Variants in LSM4 observed in about 807,000 individuals in gnomAD.
LSM4 encodes U6 snRNA-associated Sm-like protein LSm4.
LSM4 carries 15 observed loss-of-function variants against 22.3 expected under a neutral mutation model. The ratio of observed to expected loss-of-function variants is 0.67; its 90% CI spans 0.45 to 1.03. The LOEUF (loss-of-function observed/expected upper bound fraction) is 1.03, where lower values mean the gene tolerates loss of function less well. Among genes scored for constraint, LSM4 ranks in the 50% least tolerant of loss-of-function variants. The pLI is 0.00. For missense variants in LSM4, 127 were observed against 198.0 expected (o/e 0.64, Z 2.15); for synonymous variants, 90 against 79.8 (o/e 1.13, Z -0.68).
intron 4 of LSM4, chr19:18,309,386 A>G: frequency 2.4e-6 from 1 of 424,224 alleles, no homozygotes; most frequent in South Asian, 4.8e-5. Flanking sequence ...TGGAGTTGCC[A>G]GCGGCCTGGA....
chr19:18,309,512 G>C (rs569445197), intron 4 of LSM4, 166 bp downstream of exon 4: 2 of 678,126 alleles, frequency 2.9e-6, no homozygotes, highest in African/African-American at 1.8e-5. Flanking sequence ...CCCAGGTCTC[G>C]GGGCTCCTCT....
intron 2 of LSM4, among the ~76,000 whole-genome samples, chr19:18,313,652 A>G (rs191034136): frequency 1.2e-3 from 177 of 152,042 alleles, no homozygotes; most frequent in African/African-American, 4.1e-3. Context: ...CTAGTAGCTG[A>G]GACTATAAGC....
intron 3 of LSM4, among the ~76,000 whole-genome samples, chr19:18,311,938 C>T (rs1568297796): frequency 6.6e-6 from 1 of 152,210 alleles, no homozygotes; most frequent in Non-Finnish European, 1.5e-5. Context: ...GGGCTGTCAC[C>T]CACAGGGAGA....
chr19:18,308,927 C>CCA, intron 4 of LSM4, among the ~76,000 whole-genome samples: 1 of 152,286 alleles, frequency 6.6e-6, no homozygotes, highest in East Asian at 1.9e-4. Context: ...AGAAAACCCC[C>CCA]CACTTCCCTA....
intron 1 of LSM4, among the ~76,000 whole-genome samples, chr19:18,317,252 C>T (rs1970366428): frequency 6.6e-6 from 1 of 151,680 alleles, no homozygotes; most frequent in Non-Finnish European, 1.5e-5. Context: ...GAACTCCTGA[C>T]CTCAAATGAT....
At chr19:18,317,711 G>T (rs1305074673) in intron 1 of LSM4, among the ~76,000 whole-genome samples, 7 of 150,258 alleles carry the variant, frequency 4.7e-5, no homozygotes, top group Non-Finnish European at 7.4e-5. Flanking sequence ...TTTTTTTTTT[G>T]ATGGTGACAG....
chr19:18,315,196 AG>A (rs1383416539), intron 2 of LSM4, among the ~76,000 whole-genome samples: 5 of 151,572 alleles, frequency 3.3e-5, no homozygotes, highest in Non-Finnish European at 4.4e-5. Context: ...CATTTTTTGG[AG>A]ACAGGGTTTC....
chr19:18,321,227 G>A (rs1190465677), intron 1 of LSM4, among the ~76,000 whole-genome samples: 1 of 152,230 alleles, frequency 6.6e-6, no homozygotes, highest in African/African-American at 2.4e-5. Flanking sequence ...CTAGTCGGAA[G>A]AAAAACGAAG....
intron 3 of LSM4, among the ~76,000 whole-genome samples, chr19:18,310,464 T>G (rs1970286720): frequency 6.6e-6 from 1 of 152,024 alleles, no homozygotes; most frequent in African/African-American, 2.4e-5. Flanking sequence ...CCTGCCAGGG[T>G]GGCTCAAGGG....
At chr19:18,308,597 C>A (rs1290009702) in intron 4 of LSM4, among the ~76,000 whole-genome samples, 1 of 152,208 alleles carries the variant, frequency 6.6e-6, no homozygotes, top group Non-Finnish European at 1.5e-5. Context: ...CTGGGAGGCT[C>A]AGTCGTGGGC....
chr19:18,322,240 C>G (rs1970432305), intron 1 of LSM4, among the ~76,000 whole-genome samples: 1 of 152,162 alleles, frequency 6.6e-6, no homozygotes, highest in South Asian at 2.1e-4. Context: ...CTTGGTTTCT[C>G]TCATTGAAAA....
intron 1 of LSM4, among the ~76,000 whole-genome samples, chr19:18,319,398 C>G (rs1198931626): frequency 6.6e-6 from 1 of 151,832 alleles, no homozygotes; most frequent in Admixed American, 6.6e-5. Context: ...CCCATCTCTA[C>G]TAAAAATACA....
intron 3 of LSM4, among the ~76,000 whole-genome samples, chr19:18,311,662 C>T (rs1200145909): frequency 1.3e-5 from 2 of 152,154 alleles, no homozygotes; most frequent in African/African-American, 4.8e-5. Flanking sequence ...TGGACCCACC[C>T]AGACGCCCTC....
At chr19:18,309,894 C>A (rs2227270) in intron 3 of LSM4, 33 bp from the exon 4 acceptor site, 754,233 of 1,602,692 alleles carry the variant, frequency 0.47, 185,675 homozygotes, top group East Asian at 0.73. Context: ...ATTAACTTAC[C>A]ACCGGGCCGT....
At position 18,312,722 on chromosome 19, in the gene LSM4, G is replaced by A. The variant is rs777279369; in HGVS notation, c.46-20C>T. 1 of 1,588,208 alleles carries A rather than the reference G, an allele frequency of 6.3e-7. No homozygotes were observed. The highest frequency in any genetic ancestry group is 1.1e-5 in the South Asian group (1 of 90,584). On this transcript the variant is annotated intron_variant, in intron 2 of 4. Coordinates refer to ENST00000593829, the MANE Select transcript of LSM4 (RefSeq NM_012321.5). ...CACCAACTAGAAGAGAGACAGGCTAGAGGTTGGCTGTAGCCCTGGAGCCCT... is the reference window on the plus strand; with the variant it reads ...CACCAACTAGAAGAGAGACAGGCTAAAGGTTGGCTGTAGCCCTGGAGCCCT...
chr19:18,318,721 C>T (rs1016799931), intron 1 of LSM4, among the ~76,000 whole-genome samples: 9 of 152,252 alleles, frequency 5.9e-5, no homozygotes, highest in African/African-American at 1.9e-4. Flanking sequence ...AGAGGAGGCG[C>T]CAGCGCCCAC....
At chr19:18,315,837 A>T (rs1227174616) in intron 2 of LSM4, among the ~76,000 whole-genome samples, 187 bp downstream of exon 2, 2 of 152,024 alleles carry the variant, frequency 1.3e-5, no homozygotes. Flanking sequence ...AATTTTTAGT[A>T]AGTATGTATG....
At chr19:18,322,769 AAACT>A (rs746896644) in intron 1 of LSM4, among the ~76,000 whole-genome samples, 3 of 152,110 alleles carry the variant, frequency 2.0e-5, no homozygotes, top group East Asian at 1.9e-4. Flanking sequence ...CAAACTGGGA[AAACT>A]AACTAAGGCG....
chr19:18,310,177 AGCCTGGGATGGG>A, intron 3 of LSM4: 1 of 367,444 alleles, frequency 2.7e-6, no homozygotes, highest in Non-Finnish European at 4.9e-6. Context: ...GGCTCCCTCC[AGCCTGGGATGGG>A]GCTCTCTCTG....
Sources: gnomAD v4.1 joint callset for allele counts (sites outside exome capture counted in the v4.1 genomes callset) on GRCh38, gnomAD v4.1.1 for gene constraint, MANE v1.5 for transcripts, NCBI Gene and HGNC (gene_info 2026-07-23, HGNC 2026-07-21) for gene names.